The following PKIB variants were observed in gnomAD, a reference collection of about 807,000 sequenced individuals.
The protein encoded by PKIB is cAMP-dependent protein kinase inhibitor beta.
PKIB carries 2 observed loss-of-function variants against 4.5 expected under a neutral mutation model. The ratio of observed to expected loss-of-function variants is 0.44; its 90% CI spans 0.18 to 1.39. The LOEUF (loss-of-function observed/expected upper bound fraction) is 1.39. Among genes scored for constraint, PKIB ranks in the 40% most tolerant of loss-of-function variants. The pLI, the probability that PKIB is intolerant of heterozygous loss-of-function variation, is 0.27. For synonymous variants in PKIB, 38 were observed against 36.0 expected (o/e 1.06, Z -0.20); for missense variants, 94 against 92.6 (o/e 1.02, Z -0.06).
intron 2 of PKIB, chr6:122,531,113 G>A (rs1232381629): frequency 6.6e-6 from 1 of 152,120 alleles, no homozygotes; most frequent in Middle Eastern, 3.2e-3. Context: ...ACGTGTATAG[G>A]AAAAAGGCTG....
chr6:122,588,221 G>A (rs528946596), intron 3 of PKIB, among the ~76,000 whole-genome samples: 2 of 151,928 alleles, frequency 1.3e-5, no homozygotes, highest in Non-Finnish European at 2.9e-5. Flanking sequence ...GGAAGGGATC[G>A]AGTTTCAGCT....
At chr6:122,532,197 T>C (rs1330327302) in intron 2 of PKIB, among the ~76,000 whole-genome samples, 1 of 152,210 alleles carries the variant, frequency 6.6e-6, no homozygotes, top group Non-Finnish European at 1.5e-5. Context: ...AAAAATAAAG[T>C]ATCTACATGC....
intron 2 of PKIB, among the ~76,000 whole-genome samples, chr6:122,507,186 T>A (rs1394248453): frequency 6.6e-6 from 1 of 152,138 alleles, no homozygotes; most frequent in African/African-American, 2.4e-5. Context: ...GTCAATGTTG[T>A]CAGTAGTCTT....
intron 2 of PKIB, among the ~76,000 whole-genome samples, chr6:122,552,361 T>G (rs1027338526): frequency 6.6e-6 from 1 of 151,940 alleles, no homozygotes; most frequent in Non-Finnish European, 1.5e-5. Context: ...CAGGCAGTTT[T>G]GTTGTTGTTT....
intron 2 of PKIB, among the ~76,000 whole-genome samples, chr6:122,574,772 C>G (rs1773478262): frequency 6.6e-6 from 1 of 152,096 alleles, no homozygotes; most frequent in Admixed American, 6.6e-5. Context: ...AGACTTAAAT[C>G]TAAGACCTAA....
intron 2 of PKIB, among the ~76,000 whole-genome samples, chr6:122,538,994 G>T (rs1053675522): frequency 1.3e-5 from 2 of 151,970 alleles, no homozygotes; most frequent in African/African-American, 2.4e-5. Flanking sequence ...TCTGTTATTG[G>T]TGTATAAGAA....
chr6:122,667,586 T>C (rs1010999486), intron 2 of PKIB, among the ~76,000 whole-genome samples: 2 of 152,092 alleles, frequency 1.3e-5, no homozygotes, highest in Non-Finnish European at 2.9e-5. Flanking sequence ...AGATGAAAGA[T>C]AATGTAAAGC....
intron 2 of PKIB, among the ~76,000 whole-genome samples, chr6:122,568,710 G>A (rs1258445005): frequency 6.6e-6 from 1 of 152,150 alleles, no homozygotes; most frequent in Non-Finnish European, 1.5e-5. Context: ...TCTTGAGTAG[G>A]AACAAACTCC....
At chr6:122,523,995 A>G (rs1237730802) in intron 2 of PKIB, among the ~76,000 whole-genome samples, 1 of 152,182 alleles carries the variant, frequency 6.6e-6, no homozygotes, top group East Asian at 1.9e-4. Flanking sequence ...ACAGTGGTGT[A>G]TACCCCTTTT....
chr6:122,503,747 C>T (rs1029852777), intron 2 of PKIB, among the ~76,000 whole-genome samples: 2 of 152,162 alleles, frequency 1.3e-5, no homozygotes, highest in Non-Finnish European at 2.9e-5. Context: ...ATGGAGGATC[C>T]TGGCTGGTGA....
At chr6:122,638,400 T>G (rs1240175566) in intron 2 of PKIB, among the ~76,000 whole-genome samples, 3 of 152,252 alleles carry the variant, frequency 2.0e-5, no homozygotes, top group African/African-American at 7.2e-5. Context: ...GAGTAACCAG[T>G]GTACCCGTGA....
intron 1 of PKIB, among the ~76,000 whole-genome samples, chr6:122,626,353 C>T (rs1445509403): frequency 6.6e-6 from 1 of 152,180 alleles, no homozygotes; most frequent in Non-Finnish European, 1.5e-5. Context: ...TCAATGATCA[C>T]TTATTGAATA....
At chr6:122,663,570 G>T (rs1777098510) in intron 2 of PKIB, among the ~76,000 whole-genome samples, 1 of 152,164 alleles carries the variant, frequency 6.6e-6, no homozygotes, top group Admixed American at 6.5e-5. Flanking sequence ...TAGAGGGGAG[G>T]ATCCTTCTTG....
chr6:122,656,332 A>G (rs1383269728), intron 2 of PKIB, among the ~76,000 whole-genome samples: 1 of 152,214 alleles, frequency 6.6e-6, no homozygotes, highest in Non-Finnish European at 1.5e-5. Flanking sequence ...TTTTAGGTAA[A>G]CTGCACACTA....
chr6:122,662,611 T>A (rs1431281638), intron 2 of PKIB, among the ~76,000 whole-genome samples: 2 of 152,062 alleles, frequency 1.3e-5, no homozygotes, highest in African/African-American at 4.8e-5. Flanking sequence ...TCAGCCACCG[T>A]GCTCGGCCTC....
intron 2 of PKIB, among the ~76,000 whole-genome samples, chr6:122,575,337 G>A (rs926796142): frequency 6.6e-6 from 1 of 152,144 alleles, no homozygotes; most frequent in African/African-American, 2.4e-5. Context: ...ATGGAAAACA[G>A]TATGGAGATT....
chr6:122,524,260 TTCC>T (rs1292163378), intron 2 of PKIB, among the ~76,000 whole-genome samples: 1 of 148,348 alleles, frequency 6.7e-6, no homozygotes, highest in Non-Finnish European at 1.5e-5. Flanking sequence ...TCTTTTCCTC[TTCC>T]TCCTCCTCCT....
intron 2 of PKIB, among the ~76,000 whole-genome samples, chr6:122,544,527 G>T (rs935446753): frequency 6.6e-6 from 1 of 152,002 alleles, no homozygotes; most frequent in Non-Finnish European, 1.5e-5. Flanking sequence ...CTACCCTGGG[G>T]TTCCAACCTG....
chr6:122,625,707 C>G (rs1277815541), intron 1 of PKIB, among the ~76,000 whole-genome samples: 1 of 151,706 alleles, frequency 6.6e-6, no homozygotes, highest in Admixed American at 6.6e-5. Context: ...GTAGCAGTTG[C>G]CAAGGTTAGT....
Sources: gnomAD v4.1 joint callset for allele counts (sites outside exome capture counted in the v4.1 genomes callset) on GRCh38, gnomAD v4.1.1 for gene constraint, MANE v1.5 for transcripts, NCBI Gene and HGNC (gene_info 2026-07-23, HGNC 2026-07-21) for gene names.